Variants in PSMD1 observed in about 807,000 individuals in gnomAD.
PSMD1 encodes the protein proteasome 26S subunit, non-ATPase 1, also known as 26S proteasome non-ATPase regulatory subunit 1.
In PSMD1, 18 loss-of-function variants were observed where a neutral mutation model predicts 119.0. That is an observed-to-expected ratio of 0.15 (90% CI 0.10 to 0.22). The LOEUF is 0.22. Ranked by LOEUF, PSMD1 falls within the 10% of genes least tolerant of loss-of-function variation. PSMD1 has a pLI of 1.00. For synonymous variants in PSMD1, 374 were observed against 396.6 expected (o/e 0.94, Z 0.68); for missense variants, 702 against 1,158.5 (o/e 0.61, Z 5.72).
At chr2:231,096,430 C>A (rs1177586952) in intron 16 of PSMD1, among the ~76,000 whole-genome samples, 1 of 152,042 alleles carries the variant, frequency 6.6e-6, no homozygotes, top group Non-Finnish European at 1.5e-5. Context: ...CCAAAGCAGC[C>A]CTGACTAAGG....
intron 15 of PSMD1, among the ~76,000 whole-genome samples, chr2:231,086,219 CTT>C (rs914539758): frequency 2.0e-5 from 3 of 152,078 alleles, no homozygotes; most frequent in African/African-American, 7.2e-5. Flanking sequence ...AATTTTTTAA[CTT>C]TTTGTGTAGA....
chr2:231,057,004 C>A lies in PSMD1; in HGVS notation c.-22C>A. 6.5e-7 allele frequency: 1 copy of A among 1,539,874 alleles called. No individual in the cohort carries two copies. Among genetic ancestry groups the A allele is most frequent in the Non-Finnish European group, 8.7e-7 (1 of 1,144,304 alleles). On this transcript the variant is annotated 5_prime_UTR_variant, in exon 1 of 25. Coordinates refer to ENST00000308696, the MANE Select transcript of PSMD1 (RefSeq NM_002807.4). ...GCAGCTGGAACGGCGAGCGAGCCGA[C>A]GGGCGAGTGAGGGGCGCAGCCATGA...
At chr2:231,101,943 A>G (rs1208660370) in intron 16 of PSMD1, among the ~76,000 whole-genome samples, 2 of 152,256 alleles carry the variant, frequency 1.3e-5, no homozygotes, top group Admixed American at 6.5e-5. Context: ...AAACTGTAGA[A>G]TAGCAGAGAC....
intron 16 of PSMD1, among the ~76,000 whole-genome samples, chr2:231,117,078 T>G (rs1029005227): frequency 2.6e-5 from 4 of 152,180 alleles, no homozygotes; most frequent in Non-Finnish European, 5.9e-5. Flanking sequence ...CTTTTCCTAG[T>G]CTAGAGACTT....
chr2:231,136,642 GC>G (rs1399397747), intron 16 of PSMD1, among the ~76,000 whole-genome samples: 1 of 151,956 alleles, frequency 6.6e-6, no homozygotes, highest in Non-Finnish European at 1.5e-5. Context: ...GCTCTTAATT[GC>G]CTTTCCACTT....
At chr2:231,077,814 A>G (rs1374925051) in intron 9 of PSMD1, among the ~76,000 whole-genome samples, 1 of 152,210 alleles carries the variant, frequency 6.6e-6, no homozygotes, top group Non-Finnish European at 1.5e-5. Context: ...ATAGCCATAT[A>G]TTATTGAATG....
intron 16 of PSMD1, among the ~76,000 whole-genome samples, chr2:231,135,309 G>A (rs778339252): frequency 5.3e-4 from 81 of 151,920 alleles, no homozygotes; most frequent in Admixed American, 2.2e-3. Flanking sequence ...TATAATAATA[G>A]GCATTGATTT....
At chr2:231,146,865 G>A (rs1360999626) in intron 18 of PSMD1, among the ~76,000 whole-genome samples, 1 of 152,168 alleles carries the variant, frequency 6.6e-6, no homozygotes, top group East Asian at 1.9e-4. Context: ...ATCTTTTTGG[G>A]TGGAGTTCCA....
intron 19 of PSMD1, among the ~76,000 whole-genome samples, chr2:231,160,470 C>T (rs1172807244): frequency 6.6e-6 from 1 of 152,010 alleles, no homozygotes; most frequent in Non-Finnish European, 1.5e-5. Context: ...CTGCTTAGCA[C>T]CTAAAAGACC....
At chr2:231,169,159 TTGTG>T (rs1553570722) in intron 23 of PSMD1, among the ~76,000 whole-genome samples, 1 of 152,124 alleles carries the variant, frequency 6.6e-6, no homozygotes, top group African/African-American at 2.4e-5. Flanking sequence ...GGATTTTTTT[TTGTG>T]TGTGTGTTAC....
In PSMD1 at chr2:231,064,296, G is replaced by A. The variant is rs910112169; in HGVS notation, c.304+1621G>A. Among the ~76,000 whole-genome samples, 6 of 152,128 alleles carry A rather than the reference G, an allele frequency of 3.9e-5. No individual in the cohort carries two copies. The East Asian group carries it at 5.8e-4, about 15-fold the overall frequency. ...GCTTCCTAGCGTCTTAATGAATATCGTAAACAGTACCTCCAGAAAATCCAG... is the reference window on the plus strand; with the variant it reads ...GCTTCCTAGCGTCTTAATGAATATCATAAACAGTACCTCCAGAAAATCCAG... On this transcript the variant is annotated intron_variant, in intron 4 of 24. Coordinates refer to ENST00000308696, the MANE Select transcript of PSMD1 (RefSeq NM_002807.4).
intron 1 of PSMD1, among the ~76,000 whole-genome samples, chr2:231,058,404 T>G (rs962787887): frequency 2.6e-5 from 4 of 152,230 alleles, no homozygotes; most frequent in African/African-American, 9.6e-5. Context: ...AATACTTCTT[T>G]GCTTACAATC....
At chr2:231,063,974 T>C (rs1303981217) in intron 4 of PSMD1, among the ~76,000 whole-genome samples, 1 of 152,212 alleles carries the variant, frequency 6.6e-6, no homozygotes, top group Admixed American at 6.5e-5. Flanking sequence ...CTTTTTTTTT[T>C]CTTTAATGAA....
chr2:231,096,300 C>T lies in PSMD1; in HGVS notation c.1883+9119C>T, dbSNP rs904618813. Among the ~76,000 whole-genome samples, 5 of 152,256 alleles carry T rather than the reference C, an allele frequency of 3.3e-5. No individual in the cohort carries two copies. The East Asian group carries it at 5.8e-4, about 18-fold the overall frequency. Reference sequence around the variant, plus strand: ...ATTGGAGGAGGGGACTCAGGCAAAACCTCCATTTCCTTTTTGTTATTTTTT... The same window carrying T: ...ATTGGAGGAGGGGACTCAGGCAAAATCTCCATTTCCTTTTTGTTATTTTTT... On this transcript the variant is annotated intron_variant, in intron 16 of 24. Coordinates refer to ENST00000308696, the MANE Select transcript of PSMD1 (RefSeq NM_002807.4).
chr2:231,169,718 A>C (rs1358565030), intron 23 of PSMD1, among the ~76,000 whole-genome samples: 1 of 152,202 alleles, frequency 6.6e-6, no homozygotes, highest in Non-Finnish European at 1.5e-5. Flanking sequence ...GTGCCCTGCC[A>C]CTGTTGACTG....
At chr2:231,128,540 A>C (rs1695780860) in intron 16 of PSMD1, among the ~76,000 whole-genome samples, 1 of 152,218 alleles carries the variant, frequency 6.6e-6, no homozygotes, top group Non-Finnish European at 1.5e-5. Flanking sequence ...GACTTTGACA[A>C]ATCAAAAACA....
intron 4 of PSMD1, among the ~76,000 whole-genome samples, chr2:231,066,482 AAGC>A (rs1693912827): frequency 6.6e-6 from 1 of 152,234 alleles, no homozygotes; most frequent in Non-Finnish European, 1.5e-5. Flanking sequence ...TCTTTTGAAT[AAGC>A]AGCTTAATCG....
At chr2:231,065,976 G>A (rs940113263) in intron 4 of PSMD1, among the ~76,000 whole-genome samples, 6 of 152,184 alleles carry the variant, frequency 3.9e-5, no homozygotes, top group African/African-American at 1.4e-4. Flanking sequence ...TACCTTTTCT[G>A]TGTTTAGACA....
At chr2:231,084,648 T>C (rs879770016) in intron 14 of PSMD1, among the ~76,000 whole-genome samples, 3 of 152,148 alleles carry the variant, frequency 2.0e-5, no homozygotes, top group Admixed American at 2.0e-4. Context: ...CACTCAGCAC[T>C]CAGTACCCAG....
Sources: gnomAD v4.1 joint callset for allele counts (sites outside exome capture counted in the v4.1 genomes callset) on GRCh38, gnomAD v4.1.1 for gene constraint, MANE v1.5 for transcripts, NCBI Gene and HGNC (gene_info 2026-07-23, HGNC 2026-07-21) for gene names.